Variants in SLC35F4 observed in about 807,000 individuals in gnomAD.
The protein encoded by SLC35F4 is solute carrier family 35 member F4.
In SLC35F4, 24 loss-of-function variants were observed where a neutral mutation model predicts 44.2. That is an observed-to-expected ratio of 0.54 (90% confidence interval 0.39 to 0.76). The LOEUF (loss-of-function observed/expected upper bound fraction) is 0.76, where lower values mean the gene tolerates loss of function less well. Ranked by LOEUF, SLC35F4 falls within the 30% of genes least tolerant of loss-of-function variation. The pLI is 0.00. For missense variants in SLC35F4, 562 were observed against 586.1 expected (o/e 0.96, Z 0.42); for synonymous variants, 238 against 223.6 (o/e 1.06, Z -0.57).
At chr14:57,876,607 C>A (rs752234271) in intron 1 of SLC35F4, among the ~76,000 whole-genome samples, 1 of 152,110 alleles carries the variant, frequency 6.6e-6, no homozygotes, top group Non-Finnish European at 1.5e-5. Flanking sequence ...AAAAACATCA[C>A]TGTCGAGCTT....
intron 1 of SLC35F4, among the ~76,000 whole-genome samples, chr14:57,890,972 G>T (rs561839836): frequency 6.6e-6 from 1 of 152,162 alleles, no homozygotes; most frequent in Non-Finnish European, 1.5e-5. Flanking sequence ...AATATCAGTT[G>T]AAACAGCTTT....
chr14:57,686,164 G>A (rs1022091760), intron 1 of SLC35F4, among the ~76,000 whole-genome samples: 1 of 152,142 alleles, frequency 6.6e-6, no homozygotes, highest in African/African-American at 2.4e-5. Flanking sequence ...GCATTATGGA[G>A]GAGGCGTTGA....
At chr14:57,937,842 T>C (rs1036214725) in intron 1 of SLC35F4, among the ~76,000 whole-genome samples, 1 of 152,132 alleles carries the variant, frequency 6.6e-6, no homozygotes, top group Non-Finnish European at 1.5e-5. Flanking sequence ...AGAAGGGCAC[T>C]GAATAAAAAT....
At chr14:57,851,946 A>T (rs966033928) in intron 1 of SLC35F4, among the ~76,000 whole-genome samples, 2 of 152,198 alleles carry the variant, frequency 1.3e-5, no homozygotes, top group Non-Finnish European at 2.9e-5. Context: ...ATTATCTTGG[A>T]AAAAAGAAGC....
chr14:57,645,301 C>T (rs1200966298), intron 1 of SLC35F4, among the ~76,000 whole-genome samples: 2 of 152,154 alleles, frequency 1.3e-5, no homozygotes, highest in African/African-American at 4.8e-5. Context: ...TTTCATTGAG[C>T]AGTGGTTTGT....
chr14:57,897,262 GCT>G (rs1888893273), intron 1 of SLC35F4, among the ~76,000 whole-genome samples: 2 of 151,974 alleles, frequency 1.3e-5, no homozygotes, highest in Non-Finnish European at 2.9e-5. Flanking sequence ...TAGGGTTAAA[GCT>G]CCTTAGCATT....
intron 1 of SLC35F4, among the ~76,000 whole-genome samples, chr14:57,959,888 A>C (rs1207071197): frequency 6.6e-6 from 1 of 152,178 alleles, no homozygotes; most frequent in Non-Finnish European, 1.5e-5. Context: ...GCTATGGACA[A>C]TCCTGGTCAG....
At chr14:57,928,698 A>C (rs1338571155) in intron 1 of SLC35F4, among the ~76,000 whole-genome samples, 2 of 152,210 alleles carry the variant, frequency 1.3e-5, no homozygotes. Flanking sequence ...GAAGATCTCA[A>C]ACTGAGTGAA....
chr14:57,639,010 T>A (rs2073120743), intron 1 of SLC35F4, among the ~76,000 whole-genome samples: 1 of 152,134 alleles, frequency 6.6e-6, no homozygotes, highest in Non-Finnish European at 1.5e-5. Flanking sequence ...CCCAAAATTC[T>A]GCCTTTTGTT....
chr14:57,584,027 T>G (rs1276896016), intron 3 of SLC35F4, among the ~76,000 whole-genome samples: 1 of 152,030 alleles, frequency 6.6e-6, no homozygotes, highest in Admixed American at 6.6e-5. Flanking sequence ...GTCTATATGT[T>G]AAATAGCATC....
At chr14:57,815,521 C>G (rs970166061) in intron 1 of SLC35F4, among the ~76,000 whole-genome samples, 1 of 152,116 alleles carries the variant, frequency 6.6e-6, no homozygotes, top group Non-Finnish European at 1.5e-5. Context: ...GAGACAAACT[C>G]TAAAACATTA....
chr14:57,938,542 G>C (rs998806024), intron 1 of SLC35F4, among the ~76,000 whole-genome samples: 1 of 152,160 alleles, frequency 6.6e-6, no homozygotes, highest in African/African-American at 2.4e-5. Context: ...AAATATCACA[G>C]AATTATTGTC....
intron 1 of SLC35F4, among the ~76,000 whole-genome samples, chr14:57,781,744 A>C (rs2077626595): frequency 6.6e-6 from 1 of 152,254 alleles, no homozygotes; most frequent in African/African-American, 2.4e-5. Context: ...AAAAAGAACA[A>C]GATCATGTCC....
rs554468473 is a variant in SLC35F4 at position 57,620,691 on chromosome 14, C to T, written c.104-26567G>A. 2.6e-5 allele frequency among the ~76,000 whole-genome samples: 4 copies of T among 152,206 alleles called. No individual in the cohort carries two copies. The East Asian group carries it at 7.7e-4, about 29-fold the overall frequency. ...AGATAGCTCTTATTATTTTGAGATA[C>T]GTCCCATCAATACCTAATTTATTGA... is the stretch of plus-strand genomic sequence containing the variant. On this transcript the variant is annotated intron_variant, in intron 1 of 7. Coordinates refer to ENST00000556826, the MANE Select transcript of SLC35F4 (RefSeq NM_001306087.2).
intron 1 of SLC35F4, among the ~76,000 whole-genome samples, chr14:57,696,321 C>A (rs1035008356): frequency 3.3e-5 from 5 of 152,326 alleles, no homozygotes; most frequent in Non-Finnish European, 7.4e-5. Context: ...AAAAAAAGCT[C>A]ATCATCACTG....
At chr14:57,804,046 G>A (rs1164804854) in intron 1 of SLC35F4, among the ~76,000 whole-genome samples, 3 of 152,038 alleles carry the variant, frequency 2.0e-5, no homozygotes, top group Non-Finnish European at 4.4e-5. Flanking sequence ...AAAATATCTA[G>A]GGATACAACT....
intron 1 of SLC35F4, among the ~76,000 whole-genome samples, chr14:57,758,581 T>A (rs993494225): frequency 9.9e-5 from 15 of 152,268 alleles, no homozygotes; most frequent in African/African-American, 3.6e-4. Context: ...ATATATGGAA[T>A]ATAGTTATAA....
chr14:57,919,006 T>G (rs749503036), intron 1 of SLC35F4, among the ~76,000 whole-genome samples: 1 of 152,228 alleles, frequency 6.6e-6, no homozygotes, highest in Non-Finnish European at 1.5e-5. Flanking sequence ...ACTTATTTCC[T>G]ACTACTTCTT....
chr14:57,888,814 G>C (rs931357200), intron 1 of SLC35F4, among the ~76,000 whole-genome samples: 1 of 152,064 alleles, frequency 6.6e-6, no homozygotes, highest in Non-Finnish European at 1.5e-5. Context: ...TCTAAACATA[G>C]AACTTATTGC....
Sources: allele counts gnomAD v4.1 joint callset (sites outside exome capture counted in the v4.1 genomes callset), GRCh38; gene constraint gnomAD v4.1.1; transcripts MANE v1.5; gene names NCBI Gene and HGNC (gene_info 2026-07-23, HGNC 2026-07-21).